Variants in HSF1 observed in about 807,000 individuals in gnomAD.
HSF1 encodes heat shock factor protein 1.
HSF1 carries 32 observed loss-of-function variants against 51.7 expected under a neutral mutation model. The observed-to-expected ratio is 0.62, with a 90% CI of 0.47 to 0.83. HSF1 has a LOEUF of 0.83. HSF1 is among the 40% of genes least tolerant of loss of function. The pLI is 0.00. For missense variants in HSF1, 727 were observed against 717.0 expected (o/e 1.01, Z -0.16); for synonymous variants, 396 against 309.7 (o/e 1.28, Z -2.92).
intron 1 of HSF1, among the ~76,000 whole-genome samples, chr8:144,303,815 T>A (rs183152534): frequency 1.1e-4 from 17 of 151,828 alleles, no homozygotes; most frequent in African/African-American, 4.1e-4. Flanking sequence ...GAGGCGGAGG[T>A]TGCAGTGAGC....
chr8:144,306,544 C>T (rs1347508644), intron 1 of HSF1, among the ~76,000 whole-genome samples: 1 of 151,982 alleles, frequency 6.6e-6, no homozygotes, highest in Non-Finnish European at 1.5e-5. Flanking sequence ...TGTATTTCTT[C>T]TAGAGACGGG....
chr8:144,307,597 G>A lies in HSF1; in HGVS notation c.118-1309G>A, dbSNP rs543699787. Among the ~76,000 whole-genome samples the A allele has an allele frequency of 7.9e-5, 12 of 152,282 alleles. No individual in the cohort carries two copies. The East Asian group carries it at 1.2e-3, about 15-fold the overall frequency. Reference sequence around the variant, plus strand: ...TCTCCTAAAAATACAGAAATGAGCCGGGCGTGGTGGCGCCTATAGTCAGCT... The same window carrying A: ...TCTCCTAAAAATACAGAAATGAGCCAGGCGTGGTGGCGCCTATAGTCAGCT... On this transcript the variant is annotated intron_variant, in intron 1 of 12. Transcript: ENST00000528838.
intron 1 of HSF1, 138 bp from the exon 2 acceptor site, chr8:144,308,768 T>C: frequency 2.8e-6 from 2 of 704,028 alleles, no homozygotes; most frequent in Middle Eastern, 2.9e-4. Flanking sequence ...GCCAGCCCCC[T>C]GGGCCTCCCA....
chr8:144,300,778 G>A (rs1268213669), intron 1 of HSF1, among the ~76,000 whole-genome samples: 5 of 152,014 alleles, frequency 3.3e-5, no homozygotes, highest in Admixed American at 6.6e-5. Flanking sequence ...GAAGGATTGG[G>A]TAAAAAGCTA....
intron 1 of HSF1, among the ~76,000 whole-genome samples, chr8:144,302,994 A>G (rs1436775403): frequency 2.0e-5 from 3 of 152,044 alleles, no homozygotes; most frequent in Non-Finnish European, 4.4e-5. Flanking sequence ...GAGGGTGCGG[A>G]GCCCCTGGAA....
At chr8:144,308,822 A>AGAAGGGGCGGCCTGGG (rs1453862319) in intron 1 of HSF1, 84 bp from the exon 2 acceptor site, 22 of 1,114,248 alleles carry the variant, frequency 2.0e-5, no homozygotes, top group Non-Finnish European at 2.3e-5. Context: ...CCTGCGTTTC[A>AGAAGGGGCGGCCTGGG]GAAGGGGCGG....
chr8:144,292,189 C>T (rs1554840515), intron 1 of HSF1, among the ~76,000 whole-genome samples: 1 of 152,262 alleles, frequency 6.6e-6, no homozygotes, highest in African/African-American at 2.4e-5. Flanking sequence ...AGTGTCCGCG[C>T]TTAGGGCAAG....
chr8:144,301,447 T>C (rs1554842245), intron 1 of HSF1, among the ~76,000 whole-genome samples: 2 of 151,828 alleles, frequency 1.3e-5, no homozygotes, highest in African/African-American at 4.8e-5. Context: ...TTTTCCCAAA[T>C]TTTTGAAAAG....
At chr8:144,310,989 A>C in intron 4 of HSF1, 185 bp from the exon 5 acceptor site, 1 of 614,618 alleles carries the variant, frequency 1.6e-6, no homozygotes, top group South Asian at 2.0e-5. Context: ...GGGCAGTGGG[A>C]CCAGCAAGCC....
At chr8:144,308,760 C>G (rs913999014) in intron 1 of HSF1, 146 bp from the exon 2 acceptor site, 5 of 675,152 alleles carry the variant, frequency 7.4e-6, no homozygotes, top group Admixed American at 2.2e-5. Flanking sequence ...CGCCTCCCGC[C>G]AGCCCCCTGG....
chr8:144,305,266 GTC>G (rs1187877739), intron 1 of HSF1, among the ~76,000 whole-genome samples: 1 of 151,618 alleles, frequency 6.6e-6, no homozygotes, highest in Non-Finnish European at 1.5e-5. Context: ...TTTTTGTGGT[GTC>G]TCACAGGTCT....
At chr8:144,306,024 G>A (rs1362075817) in intron 1 of HSF1, among the ~76,000 whole-genome samples, 3 of 151,936 alleles carry the variant, frequency 2.0e-5, no homozygotes, top group Non-Finnish European at 4.4e-5. Context: ...GAGCCACCGC[G>A]CCCGGCCCCT....
intron 1 of HSF1, among the ~76,000 whole-genome samples, chr8:144,295,282 C>G (rs1815379307): frequency 1.3e-5 from 2 of 152,232 alleles, no homozygotes; most frequent in African/African-American, 4.8e-5. Context: ...ACTGGGTTCA[C>G]CATCATCCCA....
chr8:144,307,705 G>A (rs1421676001), intron 1 of HSF1, among the ~76,000 whole-genome samples: 1 of 152,048 alleles, frequency 6.6e-6, no homozygotes, highest in African/African-American at 2.4e-5. Context: ...GCTGAGGCAC[G>A]AGAATCGCTT....
intron 4 of HSF1, 98 bp downstream of exon 4, chr8:144,309,994 C>A: frequency 7.1e-7 from 1 of 1,402,750 alleles, no homozygotes; most frequent in Non-Finnish European, 9.7e-7. Context: ...GGGCCAGGTG[C>A]TCAGCTCCAC....
At chr8:144,298,284 C>T (rs938851399) in intron 1 of HSF1, among the ~76,000 whole-genome samples, 7 of 152,022 alleles carry the variant, frequency 4.6e-5, no homozygotes, top group African/African-American at 1.2e-4. Context: ...CATAAGAAGC[C>T]GCTGAAAATG....
chr8:144,312,619 A>T (rs1350981878), intron 9 of HSF1: 1 of 1,534,652 alleles, frequency 6.5e-7, no homozygotes, highest in South Asian at 1.2e-5. Context: ...TTGTTTTTGT[A>T]TCTTGCAGTT....
chr8:144,296,574 GGATCACGA>G (rs1815475328), intron 1 of HSF1, among the ~76,000 whole-genome samples: 1 of 152,154 alleles, frequency 6.6e-6, no homozygotes, highest in East Asian at 1.9e-4. Flanking sequence ...TGAGGTGGGC[GGATCACGA>G]GATCAGGAGG....
Position 144,313,988 on chromosome 8 carries a change from C to T in HSF1, c.1318C>T (p.Gln440Ter). The T allele has an allele frequency of 6.2e-7, 1 of 1,611,346 alleles. No individual in the cohort carries two copies. Residue 440 changes from glutamine (Q) to a stop codon, truncating the protein, a stop_gained, in exon 12 of 13, where the codon CAA (glutamine) becomes TAA (stop). Coordinates refer to ENST00000528838, the MANE Select transcript of HSF1 (RefSeq NM_005526.4). LOFTEE classifies it high-confidence loss of function. ...PDLDSSLASI[Q>*]ELLSPQEPPR... ...CAATACCGTCTCCACCCCACAGATC[C>T]AAGAGCTCCTGTCTCCCCAGGAGCC...
Sources: allele counts gnomAD v4.1 joint callset (sites outside exome capture counted in the v4.1 genomes callset), GRCh38; gene constraint gnomAD v4.1.1; transcripts MANE v1.5; gene names NCBI Gene and HGNC (gene_info 2026-07-23, HGNC 2026-07-21).